Variants in SPATA6L observed in about 807,000 individuals in gnomAD.
SPATA6L encodes the protein spermatogenesis associated 6 like.
In SPATA6L, 68 loss-of-function variants were observed where a neutral mutation model predicts 49.2. The observed-to-expected ratio is 1.38, with a 90% confidence interval of 1.14 to 1.69. SPATA6L has a LOEUF of 1.69. Among genes scored for constraint, SPATA6L ranks in the 40% most tolerant of loss-of-function variants. The pLI, the probability that SPATA6L is intolerant of heterozygous loss-of-function variation, is 0.00. For missense variants in SPATA6L, 668 were observed against 464.3 expected, an observed-to-expected ratio of 1.44 and a Z score of -4.03; for synonymous variants, 198 against 165.7, an observed-to-expected ratio of 1.19 and a Z score of -1.50.
At chr9:4,626,450 A>G (rs1366685207) in intron 5 of SPATA6L, 1 of 1,304,326 alleles carries the variant, frequency 7.7e-7, no homozygotes, top group African/African-American at 1.5e-5. Flanking sequence ...AGAAGCATCC[A>G]GGAAAGCAGC....
intron 3 of SPATA6L, among the ~76,000 whole-genome samples, chr9:4,647,278 A>G (rs916601875): frequency 1.3e-5 from 2 of 152,198 alleles, no homozygotes; most frequent in African/African-American, 4.8e-5. Context: ...CAATATGACT[A>G]TACAAATTAT....
At chr9:4,644,495 G>A (rs186194167) in intron 3 of SPATA6L, among the ~76,000 whole-genome samples, 127 of 152,000 alleles carry the variant, frequency 8.4e-4, no homozygotes, top group African/African-American at 3.0e-3. Context: ...GAAATATCAA[G>A]AAATATGTTC....
chr9:4,662,605 G>C lies in SPATA6L; in HGVS notation c.40-569C>G. The stretch of plus-strand genomic sequence containing the variant: ...GGCTCCTTCCCCCTGGCCGCGGCGG[G>C]CCCCTCGCAGTCGCCCGCGCCTCCG... On this transcript the variant is annotated intron_variant, in intron 1 of 11. Coordinates refer to ENST00000682582, the MANE Select transcript of SPATA6L (RefSeq NM_001353486.2). This position sits in a 1 kb window ranked among gnomAD's most constrained non-coding sequence, Gnocchi z 4.9. 1 of 1,594,580 alleles carries C rather than the reference G, an allele frequency of 6.3e-7. No homozygotes were observed. Among genetic ancestry groups the C allele is most frequent in the Non-Finnish European group, 8.5e-7 (1 of 1,177,842 alleles).
intron 10 of SPATA6L, 31 bp from the exon 11 acceptor site, chr9:4,604,300 T>C (rs771545574): frequency 2.1e-6 from 3 of 1,437,916 alleles, no homozygotes; most frequent in Admixed American, 3.4e-5. Context: ...GCAATTATGT[T>C]ACCCATAACA....
intron 11 of SPATA6L, among the ~76,000 whole-genome samples, chr9:4,602,015 C>A (rs1176576154): frequency 1.3e-5 from 2 of 152,166 alleles, no homozygotes. Context: ...GAATCCATGA[C>A]TCAAGAAGCG....
At chr9:4,621,477 G>C (rs144609338) in intron 7 of SPATA6L, among the ~76,000 whole-genome samples, 139 of 151,534 alleles carry the variant, frequency 9.2e-4, no homozygotes, top group African/African-American at 3.3e-3. Context: ...ATGGCTAATG[G>C]AATGTGTGCT....
chr9:4,626,557 TA>T (rs889758677), intron 5 of SPATA6L: 16 of 1,303,228 alleles, frequency 1.2e-5, no homozygotes, highest in Middle Eastern at 2.1e-4. Flanking sequence ...TCCCCAGCCC[TA>T]GGGGTGGAAG....
At chr9:4,635,073 G>A (rs982296848) in intron 4 of SPATA6L, among the ~76,000 whole-genome samples, 3 of 152,202 alleles carry the variant, frequency 2.0e-5, no homozygotes, top group African/African-American at 7.2e-5. Context: ...ATTTCAGCCT[G>A]ATTAGATAAA....
chr9:4,661,728 C>T (rs1169671398), intron 2 of SPATA6L, among the ~76,000 whole-genome samples, 171 bp downstream of exon 2: 2 of 152,232 alleles, frequency 1.3e-5, no homozygotes, highest in African/African-American at 4.8e-5. Context: ...TGGCTCAGAC[C>T]TGCATTACAA....
intron 2 of SPATA6L, 63 bp from the exon 3 acceptor site, chr9:4,656,152 G>C (rs1487156054): frequency 3.6e-6 from 5 of 1,377,536 alleles, no homozygotes; most frequent in African/African-American, 1.5e-5. Flanking sequence ...TATAGAAACT[G>C]TAAATGCCAG....
chr9:4,618,786 A>G, intron 8 of SPATA6L, 78 bp downstream of exon 8: 1 of 1,331,748 alleles, frequency 7.5e-7, no homozygotes, highest in South Asian at 1.2e-5. Flanking sequence ...AATATCCACC[A>G]CTGATTGGAA....
chr9:4,594,522 T>C (rs949201732), downstream of SPATA6L, among the ~76,000 whole-genome samples: 2 of 152,180 alleles, frequency 1.3e-5, no homozygotes, highest in Admixed American at 1.3e-4. Context: ...GGGAATTGTG[T>C]TTTTAAAAAT....
In SPATA6L at chr9:4,661,983, G is replaced by C. The variant is rs757530634; in HGVS notation, c.93C>G (p.Val31=). ...LPGKQDVYLG[V]YLMNQYLETN... ...TCTCCAGGTACTGATTCATGAGGTAGACCCCGAGGTACACATCTTGTTTGC... is the reference window on the plus strand; with the variant it reads ...TCTCCAGGTACTGATTCATGAGGTACACCCCGAGGTACACATCTTGTTTGC... Residue 31 remains valine (V), a synonymous_variant, in exon 2 of 12, where the codon GTC becomes GTG. Coordinates refer to ENST00000682582, the MANE Select transcript of SPATA6L (RefSeq NM_001353486.2). The C allele has an allele frequency of 2.2e-5, 35 of 1,614,102 alleles. No individual in the cohort carries two copies. The highest frequency in any genetic ancestry group is 1.3e-5 in the Non-Finnish European group (15 of 1,179,994).
chr9:4,622,334 AGAAT>A (rs1829511130), intron 7 of SPATA6L, 70 bp downstream of exon 7: 1 of 879,732 alleles, frequency 1.1e-6, no homozygotes, highest in African/African-American at 1.7e-5. Context: ...GTGATTCCTC[AGAAT>A]GAAAGAGTAT....
chr9:4,598,751 C>A lies in SPATA6L; in HGVS notation c.*2060G>T, dbSNP rs532427580. ...AGCAGCCCTCTCCTGAGACTTATAG[C>A]GTAACCTTAATGTAACACAATATTT... On this transcript the variant is annotated 3_prime_UTR_variant, in exon 12 of 12. Transcript: ENST00000682582. Among the ~76,000 whole-genome samples, 21 of 152,306 alleles carry A rather than the reference C, an allele frequency of 1.4e-4. No homozygotes were observed. Among genetic ancestry groups the A allele is most frequent in the African/African-American group, 4.3e-4 (18 of 41,564 alleles).
chr9:4,626,279 C>T, intron 5 of SPATA6L: 1 of 927,382 alleles, frequency 1.1e-6, no homozygotes, highest in Non-Finnish European at 1.4e-6. Flanking sequence ...CATTGCACTC[C>T]TCCAGACATA....
Position 4,662,948 on chromosome 9 carries a change from C to T in SPATA6L, c.40-912G>A, listed in dbSNP as rs1195185826. On this transcript the variant is annotated intron_variant, in intron 1 of 11. Coordinates refer to ENST00000682582, the MANE Select transcript of SPATA6L (RefSeq NM_001353486.2). This position sits in a 1 kb window ranked among gnomAD's most constrained non-coding sequence, Gnocchi z 4.9. ...TCAAAGGGCTGGTCCGCAGGCGCCGCCCGGCCCACAACCAGATGGACATGT... is the reference window on the plus strand; with the variant it reads ...TCAAAGGGCTGGTCCGCAGGCGCCGTCCGGCCCACAACCAGATGGACATGT... The T allele has an allele frequency of 1.2e-6, 2 of 1,612,122 alleles. No homozygotes were observed. The highest frequency in any genetic ancestry group is 1.1e-5 in the South Asian group (1 of 91,020).
chr9:4,604,302 C>A, intron 10 of SPATA6L, 33 bp from the exon 11 acceptor site: 1 of 1,403,454 alleles, frequency 7.1e-7, no homozygotes, highest in Non-Finnish European at 1.0e-6. Context: ...AATTATGTTA[C>A]CCATAACATA....
intron 1 of SPATA6L, chr9:4,663,075 C>A (rs1387432921): frequency 6.2e-7 from 1 of 1,614,032 alleles, no homozygotes; most frequent in East Asian, 2.2e-5. Flanking sequence ...GCTGGCCATT[C>A]CACTGAGGGT....
Sources: allele counts gnomAD v4.1 joint callset (sites outside exome capture counted in the v4.1 genomes callset), GRCh38; gene constraint gnomAD v4.1.1; non-coding constraint Gnocchi (gnomAD v3.1); transcripts MANE v1.5; gene names NCBI Gene and HGNC (gene_info 2026-07-23, HGNC 2026-07-21).